UNC5D: variants seen among roughly 807,000 people sequenced by gnomAD.
UNC5D encodes unc-5 netrin receptor D.
UNC5D carries 39 observed loss-of-function variants against 105.4 expected under a neutral mutation model. That is an observed-to-expected ratio of 0.37 (90% CI 0.29 to 0.48). UNC5D has a LOEUF of 0.48. Among genes scored for constraint, UNC5D ranks in the 20% least tolerant of loss-of-function variants. UNC5D has a pLI of 0.98. For missense variants in UNC5D, 991 were observed against 1,202.4 expected, an observed-to-expected ratio of 0.82 and a Z score of 2.60; for synonymous variants, 452 against 450.4, an observed-to-expected ratio of 1.00 and a Z score of -0.04.
intron 1 of UNC5D, among the ~76,000 whole-genome samples, chr8:35,289,354 A>G (rs1806858985): frequency 6.6e-6 from 1 of 152,250 alleles, no homozygotes; most frequent in Non-Finnish European, 1.5e-5. Context: ...ACTGAAATAC[A>G]TATAGAAATT....
At chr8:35,647,840 A>G (rs1823153020) in intron 4 of UNC5D, among the ~76,000 whole-genome samples, 1 of 152,210 alleles carries the variant, frequency 6.6e-6, no homozygotes, top group Non-Finnish European at 1.5e-5. Context: ...TAAGCATGGT[A>G]GAAAGCAAGC....
At chr8:35,528,039 GTTT>G (rs398007485) in intron 1 of UNC5D, among the ~76,000 whole-genome samples, 10 of 125,126 alleles carry the variant, frequency 8.0e-5, no homozygotes, top group African/African-American at 2.2e-4. Context: ...GAAACAGCTG[GTTT>G]TTTTTTTTTT....
intron 1 of UNC5D, among the ~76,000 whole-genome samples, chr8:35,438,411 AGAT>A (rs1309948693): frequency 6.6e-6 from 1 of 152,048 alleles, no homozygotes; most frequent in Non-Finnish European, 1.5e-5. Context: ...GATAACTTTA[AGAT>A]GTATCATTCC....
intron 1 of UNC5D, among the ~76,000 whole-genome samples, chr8:35,249,592 TAATAATAATA>T (rs1803551773): frequency 1.3e-5 from 1 of 76,236 alleles, no homozygotes; most frequent in Non-Finnish European, 2.7e-5. Flanking sequence ...ATAATAATAA[TAATAATAATA>T]AAATAAATAA....
intron 1 of UNC5D, among the ~76,000 whole-genome samples, chr8:35,369,327 A>G (rs1225360330): frequency 6.6e-6 from 1 of 152,194 alleles, no homozygotes; most frequent in South Asian, 2.1e-4. Flanking sequence ...TTTTATTGAC[A>G]TTAACAGATA....
chr8:35,486,483 C>T (rs1045754707), intron 1 of UNC5D, among the ~76,000 whole-genome samples: 4 of 152,134 alleles, frequency 2.6e-5, no homozygotes, highest in Non-Finnish European at 5.9e-5. Context: ...CTCCATAGGA[C>T]ACTTAGGAGG....
chr8:35,480,028 C>T (rs773727922), intron 1 of UNC5D, among the ~76,000 whole-genome samples: 12 of 152,158 alleles, frequency 7.9e-5, no homozygotes, highest in Non-Finnish European at 1.5e-4. Context: ...TTTCCAATGG[C>T]AGTCCCTAAC....
chr8:35,767,085 G>T lies in UNC5D; in HGVS notation c.2478+19G>T. 6.3e-7 allele frequency: 1 copy of T among 1,592,954 alleles called. No homozygotes were observed. Among genetic ancestry groups the T allele is most frequent in the Non-Finnish European group, 8.6e-7 (1 of 1,167,330 alleles). On this transcript the variant is annotated intron_variant, in intron 15 of 16. Transcript: ENST00000404895. ...CCTAGAGGTGAGTCCTTGATCTACA[G>T]GTCATTTGACCCCCTTTCTGAAGGA...
intron 2 of UNC5D, among the ~76,000 whole-genome samples, chr8:35,555,111 C>T (rs1393094907): frequency 2.0e-5 from 3 of 152,124 alleles, no homozygotes; most frequent in Non-Finnish European, 2.9e-5. Context: ...ATTTGGGAAG[C>T]ATATATTTTA....
intron 16 of UNC5D, among the ~76,000 whole-genome samples, chr8:35,787,364 A>G (rs1802793553): frequency 6.6e-6 from 1 of 152,202 alleles, no homozygotes; most frequent in South Asian, 2.1e-4. Context: ...TCATTTACCC[A>G]TGCTAGAAAC....
At chr8:35,317,851 A>ACAAC in intron 1 of UNC5D, among the ~76,000 whole-genome samples, 1 of 152,152 alleles carries the variant, frequency 6.6e-6, no homozygotes, top group African/African-American at 2.4e-5. Context: ...CTTAGACAAG[A>ACAAC]TAACTTAGTT....
chr8:35,505,059 A>G (rs1812218657), intron 1 of UNC5D, among the ~76,000 whole-genome samples: 1 of 152,228 alleles, frequency 6.6e-6, no homozygotes, highest in Admixed American at 6.5e-5. Flanking sequence ...CACAAAGGAT[A>G]AGTATGAGAG....
chr8:35,393,301 T>C (rs1425918295), intron 1 of UNC5D, among the ~76,000 whole-genome samples: 2 of 151,296 alleles, frequency 1.3e-5, no homozygotes, highest in African/African-American at 2.4e-5. Flanking sequence ...GCCCGGCTAA[T>C]TTTTTGTATT....
rs1802983839 is a variant in UNC5D at position 35,790,423 on chromosome 8, C to T, written c.2722C>T (p.Arg908Cys). The T allele has an allele frequency of 1.9e-6, 3 of 1,613,826 alleles. No homozygotes were observed. Among genetic ancestry groups the T allele is most frequent in the Middle Eastern group, 1.6e-4 (1 of 6,068 alleles). Residue 908 changes from arginine to cysteine, a missense_variant, in exon 17 of 17, where the codon CGT (arginine) becomes TGT (cysteine). This residue lies in a region of UNC5D where 2 missense variants were observed against 16.3 expected (regional missense o/e 0.12). Coordinates refer to ENST00000404895, the MANE Select transcript of UNC5D (RefSeq NM_080872.4). ...TGTCATTTTGAACCTGTGGGAAGCT[C>T]GTCATCAGCATGATGGTGATCTTGA... ...SAVILNLWEA[R>C]HQHDGDLDSL...
chr8:35,722,785 G>A (rs1239969774), intron 9 of UNC5D, among the ~76,000 whole-genome samples: 2 of 152,042 alleles, frequency 1.3e-5, no homozygotes, highest in Non-Finnish European at 2.9e-5. Flanking sequence ...CAGCCTCCCA[G>A]GTATATTTAT....
chr8:35,754,695 A>G (rs1214600794), intron 13 of UNC5D, among the ~76,000 whole-genome samples: 1 of 152,126 alleles, frequency 6.6e-6, no homozygotes, highest in East Asian at 1.9e-4. Context: ...GACATTCTCT[A>G]TTTTTAGTCC....
At chr8:35,236,824 G>T (rs1802503289) in intron 1 of UNC5D, among the ~76,000 whole-genome samples, 1 of 152,100 alleles carries the variant, frequency 6.6e-6, no homozygotes, top group East Asian at 1.9e-4. Context: ...CGGAAGCTTT[G>T]CCTTCCCGCC....
intron 1 of UNC5D, among the ~76,000 whole-genome samples, chr8:35,405,225 C>G (rs940604956): frequency 6.6e-6 from 1 of 152,078 alleles, no homozygotes; most frequent in Non-Finnish European, 1.5e-5. Flanking sequence ...AAAGGAGGAG[C>G]AACGAGAAAC....
At chr8:35,444,238 A>G (rs1487456793) in intron 1 of UNC5D, among the ~76,000 whole-genome samples, 1 of 151,994 alleles carries the variant, frequency 6.6e-6, no homozygotes, top group East Asian at 1.9e-4. Context: ...TTGGTTTCAT[A>G]CTCTTTAAAC....
Sources: gnomAD v4.1 joint callset for allele counts (sites outside exome capture counted in the v4.1 genomes callset) on GRCh38, gnomAD v4.1.1 for gene constraint, gnomAD v4.1.1 regional missense constraint, MANE v1.5 for transcripts, NCBI Gene and HGNC (gene_info 2026-07-23, HGNC 2026-07-21) for gene names.